The following TGFBRAP1 variants were observed in gnomAD, a reference collection of about 807,000 sequenced individuals.
TGFBRAP1 encodes the protein transforming growth factor beta receptor associated protein 1.
A neutral mutation model predicts 83.2 loss-of-function variants in TGFBRAP1; 20 were observed. The ratio of observed to expected loss-of-function variants is 0.24; its 90% confidence interval spans 0.17 to 0.35. The LOEUF (loss-of-function observed/expected upper bound fraction) is 0.35, where lower values mean the gene tolerates loss of function less well. Ranked by LOEUF, TGFBRAP1 falls within the 10% of genes least tolerant of loss-of-function variation. The pLI, the probability that TGFBRAP1 is intolerant of heterozygous loss-of-function variation, is 1.00. For synonymous variants in TGFBRAP1, 415 were observed against 459.8 expected (o/e 0.90, Z 1.25); for missense variants, 950 against 1,099.4 (o/e 0.86, Z 1.92).
chr2:105,261,701 G>A (rs571450891), downstream of TGFBRAP1, among the ~76,000 whole-genome samples: 19 of 152,190 alleles, frequency 1.2e-4, no homozygotes, highest in Admixed American at 2.6e-4. Context: ...ACAGTGAGCC[G>A]AGATCACGCC....
In TGFBRAP1 at chr2:105,296,570, A is replaced by G. The variant is rs544266925; in HGVS notation, c.884-60T>C. On this transcript the variant is annotated intron_variant, in intron 3 of 11. Coordinates refer to ENST00000393359, the MANE Select transcript of TGFBRAP1 (RefSeq NM_004257.6). ...AAACACACTGCCTGCAAAAAAACAC[A>G]CTGCTTTCCCCAAACTGGATCATTA... The G allele has an allele frequency of 4.5e-6, 7 of 1,564,112 alleles. No homozygotes were observed. In the African/African-American group the frequency reaches 8.2e-5, roughly 18 times the overall value.
At chr2:105,298,451 C>A in intron 3 of TGFBRAP1, 60 bp downstream of exon 3, 1 of 1,494,614 alleles carries the variant, frequency 6.7e-7, no homozygotes, top group Non-Finnish European at 9.0e-7. Flanking sequence ...TGATATTTAC[C>A]GAAGAAATAT....
rs77747354 is a variant in TGFBRAP1 at position 105,268,678 on chromosome 2, G to A, written c.2406+594C>T. 9.9e-3 allele frequency among the ~76,000 whole-genome samples: 1,505 copies of A among 152,300 alleles called. 34 individuals are homozygous for A. The highest frequency in any genetic ancestry group is 0.035 in the African/African-American group (1,454 of 41,556). On this transcript the variant is annotated intron_variant, in intron 11 of 11. Coordinates refer to ENST00000393359, the MANE Select transcript of TGFBRAP1 (RefSeq NM_004257.6). The stretch of plus-strand genomic sequence containing the variant: ...AGGGAGCGTCAGCAAAGGCTTCTAA[G>A]TGGGAGGGGAACACGTCGGATACCC...
intron 1 of TGFBRAP1, among the ~76,000 whole-genome samples, chr2:105,313,510 A>G (rs1208483275): frequency 6.6e-6 from 1 of 152,256 alleles, no homozygotes; most frequent in African/African-American, 2.4e-5. Context: ...CCAATTTCAC[A>G]TAATAAATGT....
At chr2:105,254,430 C>G in the TGFBRAP1 span, among the ~76,000 whole-genome samples, 1 of 152,168 alleles carries the variant, frequency 6.6e-6, no homozygotes, top group South Asian at 2.1e-4. Context: ...AGGCATTATT[C>G]AAGAACTTTG....
At chr2:105,274,711 T>C (rs548871838) in intron 8 of TGFBRAP1, among the ~76,000 whole-genome samples, 1 of 152,182 alleles carries the variant, frequency 6.6e-6, no homozygotes, top group African/African-American at 2.4e-5. Context: ...GAAACAAGTA[T>C]GCAAAGTGCA....
intron 4 of TGFBRAP1, among the ~76,000 whole-genome samples, chr2:105,292,329 C>G (rs146611730): frequency 2.6e-4 from 40 of 152,304 alleles, no homozygotes; most frequent in African/African-American, 9.4e-4. Flanking sequence ...TGCTGACTGC[C>G]TTCCGGGTAT....
At position 105,316,346 on chromosome 2, in the gene TGFBRAP1, A is replaced by AC. The variant is rs1194121447; in HGVS notation, c.-17-8029_-17-8028insG. 2.0e-3 allele frequency among the ~76,000 whole-genome samples: 309 copies of AC among 152,050 alleles called. 2 individuals are homozygous for AC. The highest frequency in any genetic ancestry group is 0.01 in the Middle Eastern group (3 of 294). ...ATGCAAATTATGTTTTTTACAAAAAAAAAAAAAATTCCCCTACCTGATCCA... is the reference window on the plus strand; with the variant it reads ...ATGCAAATTATGTTTTTTACAAAAAACAAAAAAAATTCCCCTACCTGATCCA... On this transcript the variant is annotated intron_variant, in intron 1 of 11. Transcript: ENST00000393359.
At chr2:105,303,445 A>C (rs1456721492) in intron 2 of TGFBRAP1, among the ~76,000 whole-genome samples, 1 of 152,208 alleles carries the variant, frequency 6.6e-6, no homozygotes, top group East Asian at 1.9e-4. Flanking sequence ...TGATCTAGGA[A>C]TATCCTGAAA....
At chr2:105,324,002 C>A (rs539824354) in intron 1 of TGFBRAP1, among the ~76,000 whole-genome samples, 2 of 151,630 alleles carry the variant, frequency 1.3e-5, no homozygotes, top group African/African-American at 2.4e-5. Context: ...GTTAAGGTCA[C>A]GAAAAAAGAG....
chr2:105,278,900 T>C (rs1362848614), intron 6 of TGFBRAP1, among the ~76,000 whole-genome samples: 2 of 152,000 alleles, frequency 1.3e-5, no homozygotes, highest in Admixed American at 6.6e-5. Context: ...ACTGATTCCA[T>C]AGCATATCCG....
At chr2:105,261,039 G>C (rs567534893), downstream of TGFBRAP1, among the ~76,000 whole-genome samples, 36 of 152,298 alleles carry the variant, frequency 2.4e-4, no homozygotes, top group African/African-American at 8.4e-4. Flanking sequence ...AGTAAGTTTA[G>C]GATTTCAGTT....
At chr2:105,296,291 T>C in intron 4 of TGFBRAP1, 65 bp downstream of exon 4, 5 of 1,596,940 alleles carry the variant, frequency 3.1e-6, no homozygotes, top group Non-Finnish European at 4.3e-6. Context: ...TGCATGTTAG[T>C]TAAATCTGAA....
rs115690647 is a variant in TGFBRAP1 at position 105,308,242 on chromosome 2, G to T, written c.60C>A (p.Gly20=). The T allele has an allele frequency of 1.2e-6, 2 of 1,614,142 alleles. No individual in the cohort carries two copies. The highest frequency in any genetic ancestry group is 1.7e-6 in the Non-Finnish European group (2 of 1,180,026). ...ACTCTATGTTGACGCGCTCCTTGTC[G>T]CCCATCAGCAGCTCCCGCTCCACAG... is the stretch of plus-strand genomic sequence containing the variant. The part of the protein sequence containing the change: ...VSAVERELLM[G]DKERVNIECV... The change falls in exon 2 of 12, where the codon GGC becomes GGA. Residue 20 remains glycine (G), a synonymous_variant. Transcript: ENST00000393359.
At chr2:105,306,417 G>GCAGATAGCTAGC (rs1175338110) in intron 2 of TGFBRAP1, among the ~76,000 whole-genome samples, 1 of 152,144 alleles carries the variant, frequency 6.6e-6, no homozygotes, top group African/African-American at 2.4e-5. Flanking sequence ...TTAAGAGTGG[G>GCAGATAGCTAGC]TAGATAGCTA....
In TGFBRAP1 at chr2:105,273,017, G is replaced by T. The variant is rs761584741; in HGVS notation, c.1813-3C>A. ...AAGTGGGTGTGATACTCTTCTTTCT[G>T]CAGGAAACAGGGGGAGCCAAGCAGA... On this transcript the variant is annotated splice_polypyrimidine_tract_variant and splice_region_variant and intron_variant, in intron 9 of 11. Coordinates refer to ENST00000393359, the MANE Select transcript of TGFBRAP1 (RefSeq NM_004257.6). 6.2e-7 allele frequency: 1 copy of T among 1,608,502 alleles called. No homozygotes were observed. Among genetic ancestry groups the T allele is most frequent in the Non-Finnish European group, 8.5e-7 (1 of 1,178,330 alleles).
chr2:105,259,140 G>A, the TGFBRAP1 span, among the ~76,000 whole-genome samples: 158 of 152,302 alleles, frequency 1.0e-3, no homozygotes, highest in Middle Eastern at 3.4e-3. Context: ...TATTCCACAC[G>A]GAATCGCCCA....
intron 11 of TGFBRAP1, 122 bp from the exon 12 acceptor site, chr2:105,267,681 C>T (rs954344409): frequency 2.0e-6 from 3 of 1,488,786 alleles, no homozygotes; most frequent in Non-Finnish European, 2.7e-6. Context: ...ATGAGGATTT[C>T]TTTAATATCA....
At chr2:105,285,551 A>C (rs1455558073) in intron 4 of TGFBRAP1, among the ~76,000 whole-genome samples, 4 of 152,212 alleles carry the variant, frequency 2.6e-5, no homozygotes, top group African/African-American at 9.7e-5. Flanking sequence ...CTCCAGGTAC[A>C]CAGCAGGCAG....
Sources: gnomAD v4.1 joint callset for allele counts (sites outside exome capture counted in the v4.1 genomes callset) on GRCh38, gnomAD v4.1.1 for gene constraint, MANE v1.5 for transcripts, NCBI Gene and HGNC (gene_info 2026-07-23, HGNC 2026-07-21) for gene names.